Variants in TET1 observed in about 807,000 individuals in gnomAD.
TET1 encodes methylcytosine dioxygenase TET1.
TET1 carries 13 observed loss-of-function variants against 148.7 expected under a neutral mutation model. That is an observed-to-expected ratio of 0.09 (90% CI 0.06 to 0.14). TET1 has a LOEUF of 0.14. Among genes scored for constraint, TET1 ranks in the 10% least tolerant of loss-of-function variants. The pLI is 1.00. For missense variants in TET1, 2,182 were observed against 2,553.8 expected (o/e 0.85, Z 3.14); for synonymous variants, 907 against 937.2 (o/e 0.97, Z 0.59).
At chr10:68,632,260 T>A in intron 3 of TET1, 2 of 870,530 alleles carry the variant, frequency 2.3e-6, no homozygotes, top group South Asian at 3.4e-5. Context: ...AGGCGGAGCT[T>A]GCAGTGAGCC....
At chr10:68,590,467 TC>T (rs1471334336) in intron 2 of TET1, among the ~76,000 whole-genome samples, 1 of 152,090 alleles carries the variant, frequency 6.6e-6, no homozygotes, top group Non-Finnish European at 1.5e-5. Context: ...TGCATATAAC[TC>T]TAATGTTAGT....
chr10:68,601,211 T>A (rs566549499), intron 3 of TET1, among the ~76,000 whole-genome samples, 177 bp downstream of exon 3: 1 of 152,342 alleles, frequency 6.6e-6, no homozygotes, highest in East Asian at 1.9e-4. Flanking sequence ...TGCTGCATAA[T>A]GTGCATATTA....
intron 6 of TET1, among the ~76,000 whole-genome samples, chr10:68,664,992 G>T (rs911172513): frequency 2.0e-5 from 3 of 151,664 alleles, no homozygotes. Context: ...GGCTGGCCTC[G>T]AACTCTTGGC....
chr10:68,686,321 A>G lies in TET1; in HGVS notation c.5053-35A>G, dbSNP rs767065483. 7 of 1,532,404 alleles carry G rather than the reference A, an allele frequency of 4.6e-6. No homozygotes were observed. In the Admixed American group the frequency reaches 1.2e-4, roughly 26 times the overall value. The allele number at this position is 1,532,404 out of a possible 1,614,324, so 94.9% of individuals were successfully genotyped here. A position where few individuals can be genotyped will look rare whatever the true frequency, so the allele number is the denominator to read the frequency against. On this transcript the variant is annotated intron_variant, in intron 10 of 11. Transcript: ENST00000373644. ...GCCACAATGAATGTGCACGACCCGTATATCTTTCCCATTTCATGTTTTTCT... is the reference window on the plus strand; with the variant it reads ...GCCACAATGAATGTGCACGACCCGTGTATCTTTCCCATTTCATGTTTTTCT...
At chr10:68,629,916 T>G (rs1270056231) in intron 3 of TET1, among the ~76,000 whole-genome samples, 1 of 152,210 alleles carries the variant, frequency 6.6e-6, no homozygotes, top group Non-Finnish European at 1.5e-5. Context: ...TTGGAAGTGC[T>G]ACATACTTAA....
At chr10:68,668,422 A>T (rs1165524378) in intron 7 of TET1, among the ~76,000 whole-genome samples, 1 of 152,246 alleles carries the variant, frequency 6.6e-6, no homozygotes, top group Non-Finnish European at 1.5e-5. Flanking sequence ...GAACTGCTCT[A>T]GGTGGTTTCA....
chr10:68,691,249 C>G lies in TET1; in HGVS notation c.5846C>G (p.Pro1949Arg). The change falls in exon 12 of 12, where the codon CCT becomes CGT. Residue 1949 changes from proline (P) to arginine (R), a missense_variant. Around this residue, in one of 11 missense-constraint regions of TET1, gnomAD observed 380 missense variants for 387.9 expected, o/e 0.98. Coordinates refer to ENST00000373644, the MANE Select transcript of TET1 (RefSeq NM_030625.3). The surrounding 1 kb of genome is among the most constrained non-coding windows in gnomAD (Gnocchi z 4.4). ...PNHQPSFLTS[P>R]QDLASSPMEE... ...CACCAGCCCTCCTTCCTCACCTCTC[C>G]TCAAGACCTTGCCTCTTCTCCAATG... is the stretch of plus-strand genomic sequence containing the variant. The G allele has an allele frequency of 6.2e-7, 1 of 1,614,166 alleles. No homozygotes were observed. Among genetic ancestry groups the G allele is most frequent in the South Asian group, 1.1e-5 (1 of 91,078 alleles).
At chr10:68,607,691 AG>A (rs893011107) in intron 3 of TET1, among the ~76,000 whole-genome samples, 21 of 151,424 alleles carry the variant, frequency 1.4e-4, no homozygotes, top group Non-Finnish European at 2.2e-4. Flanking sequence ...CCCAAAGTGC[AG>A]GCCTGCACCA....
chr10:68,631,415 G>T (rs7907322), intron 3 of TET1, among the ~76,000 whole-genome samples: 71,050 of 146,296 alleles, frequency 0.49, 18,264 homozygotes, highest in Non-Finnish European at 0.58. Context: ...ATCCCCAGAA[G>T]ATTTTGTTTT....
At chr10:68,620,258 A>G (rs549557955) in intron 3 of TET1, among the ~76,000 whole-genome samples, 2 of 152,282 alleles carry the variant, frequency 1.3e-5, no homozygotes, top group East Asian at 3.9e-4. Flanking sequence ...TATCATGACA[A>G]TCAATTTTAG....
At chr10:68,588,014 C>A (rs1214588256) in intron 2 of TET1, among the ~76,000 whole-genome samples, 1 of 152,006 alleles carries the variant, frequency 6.6e-6, no homozygotes, top group Non-Finnish European at 1.5e-5. Context: ...AGGTGCGCAC[C>A]ATTACGCCTG....
chr10:68,640,768 G>A (rs1033492812), intron 3 of TET1, among the ~76,000 whole-genome samples: 3 of 150,922 alleles, frequency 2.0e-5, no homozygotes, highest in African/African-American at 7.3e-5. Context: ...AGCCAGGATG[G>A]TCTCTATCTC....
rs1381640568 is a variant in TET1 at position 68,693,198 on chromosome 10, CTTTATTGACTCAT to C, written c.*1392_*1404del. On this transcript the variant is annotated 3_prime_UTR_variant, in exon 12 of 12. Transcript: ENST00000373644. The stretch of plus-strand genomic sequence containing the variant: ...TAGTCTTCCCATTTTCTTCCTATTA[CTTTATTGACTCAT>C]TTTATTGCAAAACAAAAAGGATTAC... 1.3e-5 allele frequency: 3 copies of C among 232,112 alleles called. No individual in the cohort carries two copies. The highest frequency in any genetic ancestry group is 2.6e-5 in the Non-Finnish European group (3 of 117,542). The allele number at this position is 232,112 out of a possible 1,614,324, so 14.4% of individuals were successfully genotyped here.
At chr10:68,641,568 G>A (rs184894616) in intron 3 of TET1, among the ~76,000 whole-genome samples, 5 of 151,140 alleles carry the variant, frequency 3.3e-5, no homozygotes, top group Admixed American at 2.6e-4. Flanking sequence ...GCACGATCTC[G>A]GCTCACTGCA....
intron 7 of TET1, among the ~76,000 whole-genome samples, chr10:68,670,517 A>G (rs2055258891): frequency 2.0e-5 from 3 of 152,342 alleles, no homozygotes; most frequent in South Asian, 4.1e-4. Flanking sequence ...AATTTGTCCC[A>G]CTATTGGTGT....
chr10:68,581,214 A>AC (rs1182526369), intron 2 of TET1, among the ~76,000 whole-genome samples: 1 of 152,126 alleles, frequency 6.6e-6, no homozygotes, highest in Non-Finnish European at 1.5e-5. Context: ...TTGGTCATGG[A>AC]AAAAAACTTA....
At chr10:68,670,412 A>G (rs1439895739) in intron 7 of TET1, among the ~76,000 whole-genome samples, 3 of 152,242 alleles carry the variant, frequency 2.0e-5, no homozygotes, top group Admixed American at 2.0e-4. Context: ...GACTTAAGTC[A>G]GGCTATGAAA....
chr10:68,680,009 A>G (rs1193104440), intron 8 of TET1, among the ~76,000 whole-genome samples: 7 of 152,314 alleles, frequency 4.6e-5, no homozygotes, highest in African/African-American at 1.7e-4. Context: ...CGGCTAAGAT[A>G]AAAGTAGCCT....
chr10:68,589,509 G>A (rs1486698401), intron 2 of TET1, among the ~76,000 whole-genome samples: 1 of 151,864 alleles, frequency 6.6e-6, no homozygotes, highest in East Asian at 1.9e-4. Flanking sequence ...TCACTGTGTT[G>A]CCCAGGCTGG....
Sources: allele counts gnomAD v4.1 joint callset (sites outside exome capture counted in the v4.1 genomes callset), GRCh38; gene constraint gnomAD v4.1.1; regional missense constraint gnomAD v4.1.1; non-coding constraint Gnocchi (gnomAD v3.1); transcripts MANE v1.5; gene names NCBI Gene and HGNC (gene_info 2026-07-23, HGNC 2026-07-21).